Variants in LIN52 observed in about 807,000 individuals in gnomAD.
LIN52 encodes protein lin-52 homolog.
Under a neutral mutation model 18.5 loss-of-function variants are expected in LIN52, and 4 were observed. The observed-to-expected ratio is 0.22, with a 90% CI of 0.11 to 0.49. The LOEUF (loss-of-function observed/expected upper bound fraction) is 0.49, where lower values mean the gene tolerates loss of function less well. LIN52 is among the 20% of genes least tolerant of loss of function. LIN52 has a pLI of 0.97. For synonymous variants in LIN52, 34 were observed against 45.5 expected, an observed-to-expected ratio of 0.75 and a Z score of 1.02; for missense variants, 102 against 139.5, an observed-to-expected ratio of 0.73 and a Z score of 1.35.
At position 74,091,429 on chromosome 14, in the gene LIN52, G is replaced by A. The variant is rs118085198; in HGVS notation, c.94+123G>A. The A allele has an allele frequency of 9.5e-3, 6,134 of 648,356 alleles. 28 individuals carry two copies. The highest frequency in any genetic ancestry group is 0.013 in the Non-Finnish European group (5,123 of 390,342). 40.2% of individuals were successfully genotyped at this position (648,356 alleles called of 1,614,324 possible). A position where few individuals can be genotyped will look rare whatever the true frequency, so the allele number is the denominator to read the frequency against. ...TTTATTTTGAAGCTAGTCAAATTTA[G>A]CAGTGGGGGGTTGTATACAAACTTT... On this transcript the variant is annotated intron_variant, in intron 2 of 5. Transcript: ENST00000555028.
intron 5 of LIN52, among the ~76,000 whole-genome samples, chr14:74,183,650 T>C (rs771465942): frequency 6.6e-6 from 1 of 152,238 alleles, no homozygotes; most frequent in Non-Finnish European, 1.5e-5. Context: ...CAATGAACCC[T>C]GTGTACCCAT....
chr14:74,143,671 G>A (rs2061142516), intron 5 of LIN52, among the ~76,000 whole-genome samples: 1 of 151,738 alleles, frequency 6.6e-6, no homozygotes, highest in Admixed American at 6.6e-5. Context: ...CATTATAATT[G>A]TACATGTTTA....
intron 5 of LIN52, among the ~76,000 whole-genome samples, chr14:74,134,920 T>C (rs975869472): frequency 3.3e-5 from 5 of 152,228 alleles, no homozygotes; most frequent in African/African-American, 1.2e-4. Context: ...TGAAAGAAAC[T>C]GAAATTAAGA....
At chr14:74,182,208 T>C (rs2061321035) in intron 5 of LIN52, among the ~76,000 whole-genome samples, 1 of 152,164 alleles carries the variant, frequency 6.6e-6, no homozygotes, top group Non-Finnish European at 1.5e-5. Context: ...GAGGGGGTTT[T>C]GCTGTGTTGC....
chr14:74,104,248 A>T (rs2060882828), intron 5 of LIN52, among the ~76,000 whole-genome samples: 1 of 152,124 alleles, frequency 6.6e-6, no homozygotes, highest in African/African-American at 2.4e-5. Flanking sequence ...TTATAACTAC[A>T]ATTTTTTTAA....
At chr14:74,156,364 T>C (rs2139560558) in intron 5 of LIN52, among the ~76,000 whole-genome samples, 1 of 152,330 alleles carries the variant, frequency 6.6e-6, no homozygotes, top group Non-Finnish European at 1.5e-5. Flanking sequence ...CCCTTTCCTA[T>C]AGTCAGTCTG....
rs1189742887 is a variant in LIN52 at position 74,183,925 on chromosome 14, G to GT, written c.284-14990dup. On this transcript the variant is annotated intron_variant, in intron 5 of 5. Transcript: ENST00000555028. ...TCCATGTCCAGTTCGGCTCAAAATT[G>GT]TTTTTTTACAATAGGTTTGTTTGAA... Among the ~76,000 whole-genome samples the GT allele has an allele frequency of 1.3e-4, 20 of 152,164 alleles. No individual in the cohort carries two copies. The East Asian group carries it at 1.7e-3, about 13-fold the overall frequency.
intron 5 of LIN52, among the ~76,000 whole-genome samples, chr14:74,137,778 A>G (rs988353028): frequency 6.6e-6 from 1 of 152,110 alleles, no homozygotes; most frequent in African/African-American, 2.4e-5. Context: ...GATTACAGGC[A>G]TGAGCCACCG....
At chr14:74,198,013 G>C (rs2078925981) in intron 5 of LIN52, among the ~76,000 whole-genome samples, 1 of 152,176 alleles carries the variant, frequency 6.6e-6, no homozygotes, top group African/African-American at 2.4e-5. Flanking sequence ...CTACTGCATG[G>C]TTCCAGAAGG....
chr14:74,097,589 C>A (rs1366631260), intron 3 of LIN52, among the ~76,000 whole-genome samples: 3 of 151,956 alleles, frequency 2.0e-5, no homozygotes, highest in African/African-American at 7.3e-5. Context: ...TGTGCCATCA[C>A]GCCTGGCTAA....
intron 5 of LIN52, among the ~76,000 whole-genome samples, chr14:74,130,876 G>A (rs532153504): frequency 4.0e-5 from 6 of 150,734 alleles, no homozygotes; most frequent in Non-Finnish European, 3.0e-5. Flanking sequence ...ATGACCCACC[G>A]TGCCCGGCCC....
At chr14:74,095,400 G>A (rs2060803996) in intron 2 of LIN52, among the ~76,000 whole-genome samples, 1 of 151,918 alleles carries the variant, frequency 6.6e-6, no homozygotes, top group South Asian at 2.1e-4. Flanking sequence ...CTCCCAAAGT[G>A]CTGGGACTAC....
chr14:74,089,899 C>T (rs1411451940), intron 1 of LIN52, among the ~76,000 whole-genome samples: 5 of 152,132 alleles, frequency 3.3e-5, no homozygotes, highest in Non-Finnish European at 5.9e-5. Flanking sequence ...AGAGGGAGCA[C>T]GCAGATGGGC....
At chr14:74,141,433 A>C (rs2061130131) in intron 5 of LIN52, among the ~76,000 whole-genome samples, 1 of 152,242 alleles carries the variant, frequency 6.6e-6, no homozygotes, top group Admixed American at 6.5e-5. Flanking sequence ...ATTTCACTAT[A>C]TGGATGTACC....
intron 5 of LIN52, among the ~76,000 whole-genome samples, chr14:74,193,119 A>G (rs2078889110): frequency 6.6e-6 from 1 of 152,088 alleles, no homozygotes; most frequent in African/African-American, 2.4e-5. Context: ...CCCTTTCTCC[A>G]TTAGTGGCAT....
chr14:74,127,011 C>T (rs887305583), intron 5 of LIN52, among the ~76,000 whole-genome samples: 2 of 152,110 alleles, frequency 1.3e-5, no homozygotes, highest in African/African-American at 4.8e-5. Flanking sequence ...ATTTCCTGAG[C>T]TGAAAAAATG....
chr14:74,139,853 G>A (rs966065159), intron 5 of LIN52, among the ~76,000 whole-genome samples: 1 of 152,068 alleles, frequency 6.6e-6, no homozygotes, highest in Non-Finnish European at 1.5e-5. Context: ...ATTATAATAG[G>A]CTATTGGTGT....
chr14:74,105,825 C>T (rs2060894307), intron 5 of LIN52, among the ~76,000 whole-genome samples: 1 of 152,168 alleles, frequency 6.6e-6, no homozygotes, highest in Non-Finnish European at 1.5e-5. Context: ...GTCCTCAAAA[C>T]ATGATTGTTT....
chr14:74,168,984 G>A (rs1595183360), intron 5 of LIN52, among the ~76,000 whole-genome samples: 1 of 152,172 alleles, frequency 6.6e-6, no homozygotes, highest in Non-Finnish European at 1.5e-5. Context: ...AACCTGGGAG[G>A]TGGAGTTTCC....
Sources: gnomAD v4.1 joint callset for allele counts (sites outside exome capture counted in the v4.1 genomes callset) on GRCh38, gnomAD v4.1.1 for gene constraint, MANE v1.5 for transcripts, NCBI Gene and HGNC (gene_info 2026-07-23, HGNC 2026-07-21) for gene names.